The following FREM1 variants were observed in gnomAD, a reference collection of about 807,000 sequenced individuals.
FREM1 encodes the protein FRAS1-related extracellular matrix protein 1.
In FREM1, 220 loss-of-function variants were observed where a neutral mutation model predicts 210.1. That is an observed-to-expected ratio of 1.05 (90% confidence interval 0.94 to 1.17). FREM1 has a LOEUF of 1.17. Among genes scored for constraint, FREM1 ranks in the 50% most tolerant of loss-of-function variants. The pLI is 0.00. For synonymous variants in FREM1, 1,189 were observed against 980.2 expected (o/e 1.21, Z -3.98); for missense variants, 3,454 against 2,675.5 (o/e 1.29, Z -6.42).
At position 14,868,802 on chromosome 9, in the gene FREM1, T is replaced by G. The variant is rs1832034765; in HGVS notation, c.176A>C (p.Lys59Thr). ...TGGCTCATTCATCACAACTTCCACT[T>G]TGCAGGCATCTTTCTCTTTAGGGAT... ...FAIPKEKDAC[K>T]VEVVMNEPIT... The change falls in exon 2 of 37, where the codon AAA becomes ACA. Residue 59 changes from lysine to threonine, a missense_variant. Coordinates refer to ENST00000380880, the MANE Select transcript of FREM1 (RefSeq NM_001379081.2). 32 of 1,613,108 alleles carry G rather than the reference T, an allele frequency of 2.0e-5. No homozygotes were observed. The highest frequency in any genetic ancestry group is 2.6e-5 in the Non-Finnish European group (31 of 1,179,598).
chr9:14,901,747 T>G (rs1838824311), intron 1 of FREM1, among the ~76,000 whole-genome samples: 1 of 152,214 alleles, frequency 6.6e-6, no homozygotes, highest in Admixed American at 6.5e-5. Context: ...AGAAAGAAGC[T>G]CAATCTACAA....
At chr9:14,803,327 CCCCTA>C (rs1475292183) in intron 19 of FREM1, among the ~76,000 whole-genome samples, 2 of 125,050 alleles carry the variant, frequency 1.6e-5, no homozygotes, top group East Asian at 2.5e-4. Flanking sequence ...CCCCTCCCCT[CCCCTA>C]CCCTCCTCCT....
chr9:14,871,048 C>A (rs1381509928), intron 1 of FREM1, among the ~76,000 whole-genome samples: 1 of 152,058 alleles, frequency 6.6e-6, no homozygotes, highest in African/African-American at 2.4e-5. Flanking sequence ...TTAATCCAGT[C>A]TATCATGGCT....
At chr9:14,850,786 G>T (rs1827574171) in intron 6 of FREM1, among the ~76,000 whole-genome samples, 1 of 152,164 alleles carries the variant, frequency 6.6e-6, no homozygotes, top group Admixed American at 6.5e-5. Flanking sequence ...AACTTCAATG[G>T]TCTCTGTGAT....
At chr9:14,845,882 A>G (rs1826512453) in intron 8 of FREM1, 78 bp downstream of exon 8, 25 of 1,453,764 alleles carry the variant, frequency 1.7e-5, no homozygotes, top group Admixed American at 3.7e-5. Flanking sequence ...GAGATGCTAC[A>G]TATATCTGTT....
At chr9:14,756,287 T>A in intron 29 of FREM1, 87 bp downstream of exon 29, 1 of 969,724 alleles carries the variant, frequency 1.0e-6, no homozygotes. Flanking sequence ...TTGTGTAACA[T>A]TCTATCTTCT....
chr9:14,760,283 A>G (rs946517384), intron 27 of FREM1, among the ~76,000 whole-genome samples: 2 of 152,238 alleles, frequency 1.3e-5, no homozygotes, highest in Admixed American at 1.3e-4. Context: ...AGACACTGAT[A>G]GGAAGTCTTC....
At chr9:14,908,927 G>A (rs1818261476) in intron 1 of FREM1, among the ~76,000 whole-genome samples, 1 of 152,140 alleles carries the variant, frequency 6.6e-6, no homozygotes, top group Non-Finnish European at 1.5e-5. Context: ...TCCTAGAGCT[G>A]CACTGAAGGC....
At chr9:14,866,566 T>C (rs891822980) in intron 2 of FREM1, among the ~76,000 whole-genome samples, 1 of 152,208 alleles carries the variant, frequency 6.6e-6, no homozygotes, top group Non-Finnish European at 1.5e-5. Context: ...CAGTTGGGCA[T>C]GCATGCTTGA....
At chr9:14,828,579 T>G (rs1161939130) in intron 10 of FREM1, among the ~76,000 whole-genome samples, 2 of 141,922 alleles carry the variant, frequency 1.4e-5, no homozygotes, top group Admixed American at 7.3e-5. Context: ...AGTTAAGACT[T>G]TGGGGGCTGT....
chr9:14,842,744 G>T, intron 8 of FREM1, 84 bp from the exon 9 acceptor site: 1 of 955,442 alleles, frequency 1.0e-6, no homozygotes, highest in Non-Finnish European at 1.6e-6. Flanking sequence ...TACAGTAGAG[G>T]CTGCTAAGGA....
intron 10 of FREM1, among the ~76,000 whole-genome samples, chr9:14,833,077 C>T (rs1053085560): frequency 6.6e-6 from 1 of 152,108 alleles, no homozygotes; most frequent in Non-Finnish European, 1.5e-5. Flanking sequence ...TGCCATTTTA[C>T]CGTGGTGGCT....
At chr9:14,791,305 G>C (rs1851270468) in intron 22 of FREM1, 1 of 152,130 alleles carries the variant, frequency 6.6e-6, no homozygotes, top group Non-Finnish European at 1.5e-5. Flanking sequence ...GCAAGCTATT[G>C]AGTTAGCAGT....
chr9:14,784,248 C>G (rs971478748), intron 24 of FREM1, 122 bp downstream of exon 24: 7 of 851,274 alleles, frequency 8.2e-6, no homozygotes, highest in East Asian at 5.1e-5. Flanking sequence ...AGGTATACAG[C>G]GTGATGTTAT....
intron 3 of FREM1, among the ~76,000 whole-genome samples, chr9:14,860,781 A>ACG (rs574194057): frequency 0.047 from 2,968 of 63,398 alleles, 452 homozygotes; most frequent in Non-Finnish European, 0.062. Context: ...ACACATATAT[A>ACG]CATATATACA....
At chr9:14,851,792 G>A (rs893587291) in intron 5 of FREM1, among the ~76,000 whole-genome samples, 185 bp from the exon 6 acceptor site, 1 of 152,158 alleles carries the variant, frequency 6.6e-6, no homozygotes, top group Non-Finnish European at 1.5e-5. Flanking sequence ...TCTGTCTCCA[G>A]AGGTTCTTGT....
At chr9:14,770,263 A>G (rs896628912) in intron 26 of FREM1, among the ~76,000 whole-genome samples, 10 of 152,204 alleles carry the variant, frequency 6.6e-5, no homozygotes, top group Non-Finnish European at 1.5e-5. Flanking sequence ...ATCTGACATC[A>G]TTTAGAGTCA....
rs1349461160 is a variant in FREM1 at position 14,818,543 on chromosome 9, A to C, written c.2546+691T>G. Among the ~76,000 whole-genome samples, 11 of 152,190 alleles carry C rather than the reference A, an allele frequency of 7.2e-5. No individual in the cohort carries two copies. The South Asian group carries it at 2.3e-3, about 32-fold the overall frequency. On this transcript the variant is annotated intron_variant, in intron 14 of 36. Coordinates refer to ENST00000380880, the MANE Select transcript of FREM1 (RefSeq NM_001379081.2). ...AGGTGAGAAGTGAGTGTGTGGGTCT[A>C]CCCGACCATTGCTTTTGAATAGCTT...
chr9:14,789,996 T>C (rs558423014), intron 22 of FREM1, among the ~76,000 whole-genome samples: 1 of 152,198 alleles, frequency 6.6e-6, no homozygotes, highest in Non-Finnish European at 1.5e-5. Context: ...TATTATATGA[T>C]ATTATCCTGT....
Sources: gnomAD v4.1 joint callset for allele counts (sites outside exome capture counted in the v4.1 genomes callset) on GRCh38, gnomAD v4.1.1 for gene constraint, MANE v1.5 for transcripts, NCBI Gene and HGNC (gene_info 2026-07-23, HGNC 2026-07-21) for gene names.